Variants in NYAP2 observed in about 807,000 individuals in gnomAD.
NYAP2 encodes the protein neuronal tyrosine-phosphorylated phosphoinositide-3-kinase adaptor 2, also known as neuronal tyrosine-phosphorylated phosphoinositide-3-kinase adapter 2.
In NYAP2, 23 loss-of-function variants were observed where a neutral mutation model predicts 50.4. The observed-to-expected ratio is 0.46, with a 90% CI of 0.33 to 0.65. The LOEUF is 0.65. NYAP2 is among the 30% of genes least tolerant of loss of function. The pLI is 0.02. For missense variants in NYAP2, 885 were observed against 861.0 expected, an observed-to-expected ratio of 1.03 and a Z score of -0.35; for synonymous variants, 394 against 365.2, an observed-to-expected ratio of 1.08 and a Z score of -0.90.
intron 3 of NYAP2, among the ~76,000 whole-genome samples, chr2:225,465,205 ACTGGGACAAAAGGAGTCCT>A (rs1463523701): frequency 6.6e-6 from 1 of 152,138 alleles, no homozygotes; most frequent in East Asian, 1.9e-4. Flanking sequence ...TTTCTTTGCC[ACTGGGACAAAAGGAGTCCT>A]CTTGACCTGA....
chr2:225,584,988 G>A (rs1435689838), intron 5 of NYAP2, among the ~76,000 whole-genome samples: 1 of 152,142 alleles, frequency 6.6e-6, no homozygotes, highest in African/African-American at 2.4e-5. Flanking sequence ...GACATCTATT[G>A]GGTAAAAGCC....
intron 6 of NYAP2, among the ~76,000 whole-genome samples, chr2:225,636,797 C>A (rs1693427257): frequency 1.3e-5 from 2 of 152,134 alleles, no homozygotes; most frequent in Admixed American, 6.5e-5. Context: ...CATGCCTGGG[C>A]TAGCCTGTTG....
intron 5 of NYAP2, among the ~76,000 whole-genome samples, chr2:225,615,194 A>G (rs1692967439): frequency 6.6e-6 from 1 of 152,202 alleles, no homozygotes; most frequent in Admixed American, 6.5e-5. Context: ...GATGCCCAGA[A>G]AGAAGGACAA....
At chr2:225,661,771 C>A in the NYAP2 span, among the ~76,000 whole-genome samples, 2 of 151,442 alleles carry the variant, frequency 1.3e-5, no homozygotes, top group East Asian at 3.9e-4. Flanking sequence ...TCACCCAGGC[C>A]GGAGTGCAGT....
At chr2:225,513,409 A>C in exon 4 of NYAP2, 1 of 1,614,028 alleles carries the variant, frequency 6.2e-7, no homozygotes, top group Non-Finnish European at 8.5e-7. Context: ...GAAGGAAGTT[A>C]CGTGGGCAAA....
intron 4 of NYAP2, among the ~76,000 whole-genome samples, chr2:225,522,765 TAG>T (rs1691088250): frequency 6.6e-6 from 1 of 152,264 alleles, no homozygotes; most frequent in East Asian, 1.9e-4. Context: ...ATCCAGGTCA[TAG>T]AGCCAGCAAT....
At chr2:225,557,373 T>C (rs1691795033) in intron 4 of NYAP2, among the ~76,000 whole-genome samples, 1 of 152,190 alleles carries the variant, frequency 6.6e-6, no homozygotes, top group South Asian at 2.1e-4. Context: ...GAATAAGATC[T>C]TCAAAAGGTC....
At chr2:225,590,207 C>T (rs116384587) in intron 5 of NYAP2, among the ~76,000 whole-genome samples, 3,040 of 152,324 alleles carry the variant, frequency 0.02, 107 homozygotes, top group African/African-American at 0.069. Flanking sequence ...GAGTCCCACA[C>T]AGTGACCTCC....
At chr2:225,474,572 A>G (rs1384160951) in intron 3 of NYAP2, among the ~76,000 whole-genome samples, 8 of 152,142 alleles carry the variant, frequency 5.3e-5, no homozygotes, top group Non-Finnish European at 5.9e-5. Context: ...CTTTGAAGCA[A>G]TTGTGAATGA....
intron 5 of NYAP2, among the ~76,000 whole-genome samples, chr2:225,619,813 A>G (rs1693057668): frequency 1.3e-5 from 2 of 152,214 alleles, no homozygotes; most frequent in Admixed American, 1.3e-4. Flanking sequence ...CTTCAGCCTA[A>G]ACACTGTAAC....
intron 3 of NYAP2, among the ~76,000 whole-genome samples, chr2:225,439,884 G>A (rs1239664753): frequency 6.6e-6 from 1 of 152,192 alleles, no homozygotes; most frequent in Non-Finnish European, 1.5e-5. Context: ...ACGTTTAATT[G>A]ACTCACAGTT....
intron 4 of NYAP2, among the ~76,000 whole-genome samples, chr2:225,517,802 A>T (rs1690962451): frequency 6.6e-6 from 1 of 152,180 alleles, no homozygotes; most frequent in Non-Finnish European, 1.5e-5. Flanking sequence ...TTAGAGCCTT[A>T]ATTTCACACC....
chr2:225,630,845 C>G (rs577212265), intron 6 of NYAP2, among the ~76,000 whole-genome samples: 1 of 152,282 alleles, frequency 6.6e-6, no homozygotes, highest in South Asian at 2.1e-4. Flanking sequence ...TAGAGACTGT[C>G]AATGTGAGAT....
At chr2:225,421,660 C>A (rs1431138303) in intron 3 of NYAP2, among the ~76,000 whole-genome samples, 1 of 152,220 alleles carries the variant, frequency 6.6e-6, no homozygotes, top group African/African-American at 2.4e-5. Flanking sequence ...ATGTCACCTT[C>A]TGGTGTTCTA....
chr2:225,432,133 A>G, intron 3 of NYAP2, among the ~76,000 whole-genome samples: 1 of 135,494 alleles, frequency 7.4e-6, no homozygotes, highest in South Asian at 2.4e-4. Context: ...GCCTGCCACC[A>G]CGCCCGCCTA....
chr2:225,574,968 T>A (rs1260939147), intron 4 of NYAP2, among the ~76,000 whole-genome samples: 1 of 152,160 alleles, frequency 6.6e-6, no homozygotes, highest in African/African-American at 2.4e-5. Flanking sequence ...TGGCAAACAC[T>A]GCACTGAAGC....
the NYAP2 span, among the ~76,000 whole-genome samples, chr2:225,663,225 G>T: frequency 6.6e-6 from 1 of 151,208 alleles, no homozygotes; most frequent in Non-Finnish European, 1.5e-5. Flanking sequence ...TTTTTCTCTT[G>T]AATCCAAACA....
At chr2:225,440,410 C>A (rs1195160555) in intron 3 of NYAP2, among the ~76,000 whole-genome samples, 2 of 152,128 alleles carry the variant, frequency 1.3e-5, no homozygotes, top group Non-Finnish European at 2.9e-5. Flanking sequence ...TGTATAAGAC[C>A]TTTGGGATAT....
intron 3 of NYAP2, among the ~76,000 whole-genome samples, chr2:225,447,797 G>A (rs1689585216): frequency 6.6e-6 from 1 of 152,192 alleles, no homozygotes; most frequent in African/African-American, 2.4e-5. Context: ...CATCATTTAT[G>A]CTTAATTCAA....
Sources: gnomAD v4.1 joint callset for allele counts (sites outside exome capture counted in the v4.1 genomes callset) on GRCh38, gnomAD v4.1.1 for gene constraint, MANE v1.5 for transcripts, NCBI Gene and HGNC (gene_info 2026-07-23, HGNC 2026-07-21) for gene names.